The following KIAA1328 variants were observed in gnomAD, a reference collection of about 807,000 sequenced individuals.
KIAA1328 encodes protein hinderin.
In KIAA1328, 52 loss-of-function variants were observed where a neutral mutation model predicts 68.1. The ratio of observed to expected loss-of-function variants is 0.76; its 90% CI spans 0.61 to 0.96. The LOEUF is 0.96. KIAA1328 is among the 40% of genes least tolerant of loss of function. The pLI, the probability that KIAA1328 is intolerant of heterozygous loss-of-function variation, is 0.00. For synonymous variants in KIAA1328, 232 were observed against 239.4 expected (o/e 0.97, Z 0.28); for missense variants, 641 against 677.6 (o/e 0.95, Z 0.60).
At chr18:36,854,912 A>G (rs2150859483) in intron 4 of KIAA1328, among the ~76,000 whole-genome samples, 1 of 152,326 alleles carries the variant, frequency 6.6e-6, no homozygotes, top group South Asian at 2.1e-4. Flanking sequence ...GGAATTATAT[A>G]GTGTGATCTT....
chr18:37,008,674 G>A (rs1303307701), intron 6 of KIAA1328, among the ~76,000 whole-genome samples: 1 of 152,096 alleles, frequency 6.6e-6, no homozygotes, highest in Non-Finnish European at 1.5e-5. Flanking sequence ...TGAAATTAAT[G>A]GATAGAAGTT....
chr18:37,129,856 T>G (rs919466518), intron 7 of KIAA1328, among the ~76,000 whole-genome samples: 1 of 152,114 alleles, frequency 6.6e-6, no homozygotes, highest in African/African-American at 2.4e-5. Context: ...GTGAAGTCTG[T>G]GAAGAAGGGT....
At chr18:36,935,082 T>A (rs1337972304) in intron 5 of KIAA1328, among the ~76,000 whole-genome samples, 2 of 152,222 alleles carry the variant, frequency 1.3e-5, no homozygotes, top group Non-Finnish European at 2.9e-5. Flanking sequence ...AGTTCTCAGT[T>A]AGGCTAGAGC....
intron 7 of KIAA1328, among the ~76,000 whole-genome samples, chr18:37,072,710 A>AT (rs2056578274): frequency 6.6e-6 from 1 of 152,120 alleles, no homozygotes; most frequent in Non-Finnish European, 1.5e-5. Context: ...TTACATAGGT[A>AT]TACGGGTACC....
chr18:37,213,645 C>G (rs998763391), intron 9 of KIAA1328, among the ~76,000 whole-genome samples: 1 of 152,112 alleles, frequency 6.6e-6, no homozygotes, highest in Admixed American at 6.5e-5. Context: ...ATGATTTATA[C>G]TCCTTTGGGT....
chr18:36,895,531 T>A (rs1168120728), intron 5 of KIAA1328, among the ~76,000 whole-genome samples: 2 of 152,196 alleles, frequency 1.3e-5, no homozygotes, highest in East Asian at 3.8e-4. Context: ...AGACAAATAT[T>A]TTTTAAAAAT....
At chr18:37,215,508 G>A (rs1339286000) in intron 9 of KIAA1328, among the ~76,000 whole-genome samples, 6 of 152,284 alleles carry the variant, frequency 3.9e-5, no homozygotes, top group East Asian at 3.9e-4. Context: ...CAACTTGATC[G>A]TGGTGGATAA....
intron 5 of KIAA1328, among the ~76,000 whole-genome samples, chr18:36,948,829 G>A (rs1383895951): frequency 1.3e-5 from 2 of 152,336 alleles, no homozygotes; most frequent in Non-Finnish European, 2.9e-5. Context: ...GATTACAGGC[G>A]TAAGCCACTG....
chr18:37,004,553 T>C (rs1239371308), intron 6 of KIAA1328, among the ~76,000 whole-genome samples: 5 of 151,942 alleles, frequency 3.3e-5, no homozygotes, highest in Non-Finnish European at 5.9e-5. Flanking sequence ...AAAACCACAA[T>C]GAGATACAAC....
intron 9 of KIAA1328, among the ~76,000 whole-genome samples, chr18:37,218,716 A>G (rs1481902490): frequency 1.3e-5 from 2 of 152,134 alleles, no homozygotes; most frequent in Non-Finnish European, 2.9e-5. Context: ...CATTCGTCTA[A>G]TCTTTTTTCA....
chr18:36,958,092 A>T (rs1487810230), intron 5 of KIAA1328, among the ~76,000 whole-genome samples: 1 of 152,152 alleles, frequency 6.6e-6, no homozygotes, highest in Non-Finnish European at 1.5e-5. Context: ...TTTACTTAGC[A>T]TAATATTTTC....
intron 6 of KIAA1328, among the ~76,000 whole-genome samples, chr18:36,979,069 G>A (rs2052582000): frequency 6.6e-6 from 1 of 152,038 alleles, no homozygotes; most frequent in Non-Finnish European, 1.5e-5. Context: ...TGAAGTGGGA[G>A]GATCACTTGA....
chr18:36,849,435 T>C (rs72885252), intron 4 of KIAA1328, among the ~76,000 whole-genome samples: 20,686 of 152,006 alleles, frequency 0.14, 1,753 homozygotes, highest in Admixed American at 0.18. Flanking sequence ...CTTGTTTCCC[T>C]GTGGCTCTGA....
intron 4 of KIAA1328, among the ~76,000 whole-genome samples, chr18:36,877,158 T>A (rs1366116928): frequency 6.6e-6 from 1 of 152,176 alleles, no homozygotes; most frequent in East Asian, 1.9e-4. Flanking sequence ...TTCTGTTGAT[T>A]TGGGGTGGAG....
intron 6 of KIAA1328, among the ~76,000 whole-genome samples, chr18:37,017,772 A>G (rs2054203093): frequency 6.6e-6 from 1 of 152,150 alleles, no homozygotes; most frequent in African/African-American, 2.4e-5. Context: ...AGGTATTAGA[A>G]TAGTGACCCC....
intron 6 of KIAA1328, 123 bp downstream of exon 6, chr18:36,959,558 G>C (rs1041710607): frequency 9.7e-7 from 1 of 1,035,786 alleles, no homozygotes. Flanking sequence ...TGTAGCCACT[G>C]CGTGTGATTG....
chr18:37,147,020 A>G (rs1021979686), intron 7 of KIAA1328, among the ~76,000 whole-genome samples: 5 of 152,094 alleles, frequency 3.3e-5, no homozygotes, highest in Non-Finnish European at 7.4e-5. Context: ...TGTTCAGAAG[A>G]GCTGACATCT....
chr18:37,158,666 T>C (rs545690946), intron 7 of KIAA1328, among the ~76,000 whole-genome samples: 1 of 152,314 alleles, frequency 6.6e-6, no homozygotes, highest in African/African-American at 2.4e-5. Context: ...ATCTTTATTT[T>C]AGGGAAATTA....
chr18:37,190,483 G>A (rs1054542600), intron 9 of KIAA1328, among the ~76,000 whole-genome samples: 2 of 152,174 alleles, frequency 1.3e-5, no homozygotes, highest in African/African-American at 2.4e-5. Flanking sequence ...TAGGAGTAAT[G>A]CAGAACAAAG....
Sources: gnomAD v4.1 joint callset for allele counts (sites outside exome capture counted in the v4.1 genomes callset) on GRCh38, gnomAD v4.1.1 for gene constraint, MANE v1.5 for transcripts, NCBI Gene and HGNC (gene_info 2026-07-23, HGNC 2026-07-21) for gene names.